Variants in EPHB2 observed in about 807,000 individuals in gnomAD.
The protein encoded by EPHB2 is ephrin type-B receptor 2.
In EPHB2, 18 loss-of-function variants were observed where a neutral mutation model predicts 96.4. The observed-to-expected ratio is 0.19, with a 90% CI of 0.13 to 0.28. The LOEUF is 0.28. Among genes scored for constraint, EPHB2 ranks in the 10% least tolerant of loss-of-function variants. The pLI is 1.00. For missense variants in EPHB2, 989 were observed against 1,355.4 expected (o/e 0.73, Z 4.25); for synonymous variants, 506 against 534.1 (o/e 0.95, Z 0.72).
intron 1 of EPHB2, among the ~76,000 whole-genome samples, chr1:22,769,782 G>A (rs1259479527): frequency 1.3e-5 from 2 of 152,180 alleles, no homozygotes; most frequent in Non-Finnish European, 2.9e-5. Flanking sequence ...GATGGGAGGA[G>A]TGGATAGCAG....
At chr1:22,865,725 T>C (rs1300358995) in intron 5 of EPHB2, among the ~76,000 whole-genome samples, 1 of 152,216 alleles carries the variant, frequency 6.6e-6, no homozygotes, top group Non-Finnish European at 1.5e-5. Context: ...CTCTTTTGCA[T>C]GCATTCCACG....
At position 22,764,420 on chromosome 1, in the gene EPHB2, C is replaced by T. The variant is rs75642872; in HGVS notation, c.62-17001C>T. Among the ~76,000 whole-genome samples the T allele has an allele frequency of 6.3e-3, 960 of 152,234 alleles. 8 individuals are homozygous for T. The highest frequency in any genetic ancestry group is 9.7e-3 in the Non-Finnish European group (661 of 68,002). ...CAGAAAGGGAAGCTCAAGACTTGCC[C>T]TGGGGTAGTGGGTTAGGAAGTGGGG... On this transcript the variant is annotated intron_variant, in intron 1 of 15. Transcript: ENST00000374630.
intron 1 of EPHB2, among the ~76,000 whole-genome samples, chr1:22,761,835 C>T (rs1490869908): frequency 6.6e-6 from 1 of 152,152 alleles, no homozygotes; most frequent in African/African-American, 2.4e-5. Flanking sequence ...GCCCATTTTG[C>T]AGATGGGGAA....
At chr1:22,886,148 A>G (rs1639217119) in intron 6 of EPHB2, among the ~76,000 whole-genome samples, 1 of 152,226 alleles carries the variant, frequency 6.6e-6, no homozygotes, top group African/African-American at 2.4e-5. Flanking sequence ...TGAGTGAGGG[A>G]AAGCCTTCAT....
intron 5 of EPHB2, among the ~76,000 whole-genome samples, chr1:22,879,138 G>T (rs1038654170): frequency 2.0e-5 from 3 of 152,178 alleles, no homozygotes; most frequent in African/African-American, 7.2e-5. Flanking sequence ...ATCTCTCCCA[G>T]AATCTCTGGC....
At chr1:22,713,755 C>T (rs1414303482) in intron 1 of EPHB2, among the ~76,000 whole-genome samples, 1 of 152,162 alleles carries the variant, frequency 6.6e-6, no homozygotes, top group Admixed American at 6.5e-5. Context: ...CTCCTCAGCC[C>T]GTAAAGGGCT....
Position 22,905,992 on chromosome 1 carries a change from C to G in EPHB2, c.1771C>G (p.Pro591Ala). 1 of 1,614,060 alleles carries G rather than the reference C, an allele frequency of 6.2e-7. No homozygotes were observed. Among genetic ancestry groups the G allele is most frequent in the Non-Finnish European group, 8.5e-7 (1 of 1,180,010 alleles). Residue 591 changes from proline to alanine, a missense_variant, in exon 10 of 16, where the codon CCA becomes GCA. By Grantham distance (27) the Pro-to-Ala change is conservative. Coordinates refer to ENST00000374630, the MANE Select transcript of EPHB2 (RefSeq NM_017449.5). ...LQHYTSGHMT[P>A]GMKIYIDPFT... ...AGCCTGGTCTTGTCCCCCAGTGACC[C>G]CAGGCATGAAGATCTACATCGATCC...
chr1:22,858,414 G>A lies in EPHB2; in HGVS notation c.812-4623G>A, dbSNP rs1190700116. On this transcript the variant is annotated intron_variant, in intron 3 of 15. Coordinates refer to ENST00000374630, the MANE Select transcript of EPHB2 (RefSeq NM_017449.5). The surrounding 1 kb of genome is among the most constrained non-coding windows in gnomAD (Gnocchi z 7.7). ...AGGGACTGTGGAAGATTGGCAGAGA[G>A]GCCACAGTGGAGCAGAGACCCATTC... 1.3e-5 allele frequency among the ~76,000 whole-genome samples: 2 copies of A among 152,168 alleles called. No individual in the cohort carries two copies.
At chr1:22,835,234 G>C (rs1488773754) in intron 3 of EPHB2, among the ~76,000 whole-genome samples, 1 of 152,148 alleles carries the variant, frequency 6.6e-6, no homozygotes, top group Admixed American at 6.5e-5. Context: ...ACAAAAATTA[G>C]CTGGGCATGG....
In EPHB2 at chr1:22,875,980, G is replaced by A. The variant is rs1380679714; in HGVS notation, c.1304-6379G>A. ...GAGGCAGAACAGAAAGGCTGCCAGT[G>A]TGGACAGCTTGGGAGAGAGGGGGCA... On this transcript the variant is annotated intron_variant, in intron 5 of 15. Transcript: ENST00000374630. This position sits in a 1 kb window ranked among gnomAD's most constrained non-coding sequence, Gnocchi z 4.2. 6.6e-6 allele frequency among the ~76,000 whole-genome samples: 1 copy of A among 152,194 alleles called. No individual in the cohort carries two copies. Among genetic ancestry groups the A allele is most frequent in the Non-Finnish European group, 1.5e-5 (1 of 68,040 alleles).
intron 3 of EPHB2, among the ~76,000 whole-genome samples, chr1:22,829,605 T>C (rs1645274070): frequency 6.6e-6 from 1 of 152,208 alleles, no homozygotes; most frequent in Non-Finnish European, 1.5e-5. Context: ...CATTTTCAGA[T>C]CACCTTCTGA....
rs1381982570 is a variant in EPHB2, at chr1:22,916,687, GC to G, written c.*3119del. On this transcript the variant is annotated 3_prime_UTR_variant, in exon 16 of 16. Transcript: ENST00000374630. The surrounding 1 kb of genome is among the most constrained non-coding windows in gnomAD (Gnocchi z 4.2). ...CTTTCCTGGCTCAACCTCCCCAAGT[GC>G]CAGCCCCCGCCTGCCCAGCAGTGTT... The G allele has an allele frequency of 3.9e-5, 6 of 152,516 alleles. No homozygotes were observed. Among genetic ancestry groups the G allele is most frequent in the African/African-American group, 1.4e-4 (6 of 41,432 alleles). The allele number at this position is 152,516 out of a possible 1,614,324, so 9.4% of individuals were successfully genotyped here. A position where few individuals can be genotyped will look rare whatever the true frequency, so the allele number is the denominator to read the frequency against.
chr1:22,793,367 A>G (rs1473323037), intron 3 of EPHB2, among the ~76,000 whole-genome samples: 1 of 152,078 alleles, frequency 6.6e-6, no homozygotes, highest in East Asian at 1.9e-4. Context: ...CCATAACTAC[A>G]GACTTGGGGT....
intron 1 of EPHB2, among the ~76,000 whole-genome samples, chr1:22,723,385 G>T (rs573668041): frequency 1.3e-5 from 2 of 152,330 alleles, no homozygotes; most frequent in South Asian, 4.1e-4. Context: ...CTCCGTCAGC[G>T]TCAGCTGTCA....
chr1:22,805,873 G>T (rs919565489), intron 3 of EPHB2, among the ~76,000 whole-genome samples: 1 of 152,214 alleles, frequency 6.6e-6, no homozygotes, highest in Non-Finnish European at 1.5e-5. Context: ...CGCCTGGGGT[G>T]GGAGGCCGAG....
Position 22,839,517 on chromosome 1 carries a change from G to A in EPHB2, c.812-23520G>A, listed in dbSNP as rs1021042960. On this transcript the variant is annotated intron_variant, in intron 3 of 15. Transcript: ENST00000374630. ...AATTGTGATATGGGGAGAAAGTCAG[G>A]GATATACACAAATCCCTGTGGGAAT... 3.3e-5 allele frequency among the ~76,000 whole-genome samples: 5 copies of A among 152,162 alleles called. No individual in the cohort carries two copies. The South Asian group carries it at 1.0e-3, about 32-fold the overall frequency.
At position 22,784,574 on chromosome 1, in the gene EPHB2, G is replaced by A; in HGVS notation, c.309G>A (p.Val103=). Residue 103 remains valine (V), a synonymous_variant, in exon 3 of 16, where the codon GTG becomes GTA. Transcript: ENST00000374630. This position sits in a 1 kb window ranked among gnomAD's most constrained non-coding sequence, Gnocchi z 5.1. ...GTGACTGCAGCAGCATCCCCAGCGT[G>A]CCTGGCTCCTGCAAGGAGACCTTCA... ...SVRDCSSIPS[V]PGSCKETFNL... is the part of the protein sequence containing the mutation. The A allele has an allele frequency of 6.2e-7, 1 of 1,614,186 alleles. No homozygotes were observed. Among genetic ancestry groups the A allele is most frequent in the Non-Finnish European group, 8.5e-7 (1 of 1,180,046 alleles).
chr1:22,712,346 C>T (rs895419435), intron 1 of EPHB2, among the ~76,000 whole-genome samples: 2 of 152,222 alleles, frequency 1.3e-5, no homozygotes, highest in African/African-American at 2.4e-5. Context: ...TGCCCCTAAA[C>T]TGCGTGAGCC....
intron 3 of EPHB2, among the ~76,000 whole-genome samples, chr1:22,793,694 C>T (rs1644728455): frequency 6.6e-6 from 1 of 152,094 alleles, no homozygotes; most frequent in African/African-American, 2.4e-5. Context: ...AGGCCCGAGA[C>T]AGGGAGGTGA....
Sources: allele counts gnomAD v4.1 joint callset (sites outside exome capture counted in the v4.1 genomes callset), GRCh38; gene constraint gnomAD v4.1.1; non-coding constraint Gnocchi (gnomAD v3.1); transcripts MANE v1.5; gene names NCBI Gene and HGNC (gene_info 2026-07-23, HGNC 2026-07-21).